The following ZC3H12B variants were observed in gnomAD, a reference collection of about 807,000 sequenced individuals.
ZC3H12B encodes the protein probable ribonuclease ZC3H12B.
ZC3H12B carries 7 observed loss-of-function variants against 43.9 expected under a neutral mutation model. The observed-to-expected ratio is 0.16, with a 90% CI of 0.09 to 0.30. ZC3H12B has a LOEUF of 0.30. Among genes scored for constraint, ZC3H12B ranks in the 10% least tolerant of loss-of-function variants. The pLI is 1.00. For missense variants in ZC3H12B, 475 were observed against 670.2 expected (o/e 0.71, Z 3.22); for synonymous variants, 222 against 241.7 (o/e 0.92, Z 0.76).
chrX:65,325,773 A>G, the ZC3H12B span, among the ~76,000 whole-genome samples: 2 of 111,589 alleles, frequency 1.8e-5, no homozygotes, highest in Non-Finnish European at 3.8e-5. Context: ...TATGAGCAAA[A>G]GAATCGAACT....
At chrX:65,094,712 A>G in the ZC3H12B span, among the ~76,000 whole-genome samples, 1 of 112,479 alleles carries the variant, frequency 8.9e-6, no homozygotes, top group South Asian at 3.6e-4. Flanking sequence ...TCCATTAAAA[A>G]TGTCCTTGAT....
the ZC3H12B span, among the ~76,000 whole-genome samples, chrX:65,153,203 C>G: frequency 4.5e-5 from 5 of 111,956 alleles, no homozygotes; most frequent in African/African-American, 1.3e-4. Flanking sequence ...ACACCAAAAG[C>G]AATGGCAACA....
At chrX:65,375,111 G>A (rs761181269) in intron 2 of ZC3H12B, among the ~76,000 whole-genome samples, 4 of 111,720 alleles carry the variant, frequency 3.6e-5, no homozygotes, top group Non-Finnish European at 7.5e-5. Context: ...AATAATCTGT[G>A]TTCTTGGGAA....
rs773832049 is a variant in ZC3H12B, at chrX:65,408,525, C to T, written n.407+9821C>T. 583 of 1,204,711 alleles carry T rather than the reference C, an allele frequency of 4.8e-4. 3 individuals carry two copies. The African/African-American group carries it at 8.3e-3, about 17-fold the overall frequency. ...CCAGTTCCCCTTACGCCTCACCCTT[C>T]GGGACTTCAGCCTCCTGGAATCCCG... is the stretch of plus-strand genomic sequence containing the variant. On this transcript the variant is annotated intron_variant and non_coding_transcript_variant, in intron 3 of 5. Coordinates refer to the ZC3H12B transcript ENST00000617377.
At chrX:65,361,427 A>G in the ZC3H12B span, among the ~76,000 whole-genome samples, 5 of 112,165 alleles carry the variant, frequency 4.5e-5, no homozygotes, top group Admixed American at 9.5e-5. Flanking sequence ...TTACTCTTAC[A>G]TGGCCAAACT....
the ZC3H12B span, among the ~76,000 whole-genome samples, chrX:65,325,701 T>C: frequency 9.0e-6 from 1 of 111,602 alleles, no homozygotes; most frequent in Non-Finnish European, 1.9e-5. Flanking sequence ...TTCAGCACTA[T>C]TCCAATGTCA....
chrX:65,105,763 T>A, the ZC3H12B span, among the ~76,000 whole-genome samples: 2 of 110,864 alleles, frequency 1.8e-5, no homozygotes, highest in African/African-American at 6.6e-5. Flanking sequence ...TGAGCAGCAT[T>A]TTTTGGGAAA....
the ZC3H12B span, among the ~76,000 whole-genome samples, chrX:65,328,702 C>T: frequency 1.6e-5 from 1 of 63,673 alleles, no homozygotes; most frequent in African/African-American, 6.0e-5. Flanking sequence ...TCCCCCCTCC[C>T]CCCACCCCAC....
At chrX:65,441,665 T>C (rs1377954220) in intron 3 of ZC3H12B, among the ~76,000 whole-genome samples, 1 of 112,069 alleles carries the variant, frequency 8.9e-6, no homozygotes, top group Non-Finnish European at 1.9e-5. Context: ...TGTATGCCTT[T>C]TAAACTTGAA....
At chrX:65,452,167 G>C (rs1053943633) in intron 3 of ZC3H12B, among the ~76,000 whole-genome samples, 1 of 111,127 alleles carries the variant, frequency 9.0e-6, no homozygotes, top group African/African-American at 3.3e-5. Flanking sequence ...ATATAGTACT[G>C]GAAGTCCTAG....
the ZC3H12B span, among the ~76,000 whole-genome samples, chrX:65,342,153 T>A: frequency 9.0e-6 from 1 of 110,898 alleles, no homozygotes; most frequent in African/African-American, 3.3e-5. Context: ...CCAACAAAGA[T>A]CAAAAAATGA....
At chrX:65,120,141 A>C in the ZC3H12B span, among the ~76,000 whole-genome samples, 2 of 111,395 alleles carry the variant, frequency 1.8e-5, no homozygotes, top group Non-Finnish European at 3.8e-5. Context: ...CTCTTTTTTG[A>C]TTCCATGTGA....
intron 2 of ZC3H12B, among the ~76,000 whole-genome samples, chrX:65,387,625 A>G (rs1232338053): frequency 8.9e-6 from 1 of 111,872 alleles, no homozygotes; most frequent in Non-Finnish European, 1.9e-5. Context: ...TATTTGGAGC[A>G]TTTAGTCCAT....
the ZC3H12B span, among the ~76,000 whole-genome samples, chrX:65,336,155 C>G: frequency 8.9e-6 from 1 of 112,364 alleles, no homozygotes; most frequent in Non-Finnish European, 1.9e-5. Flanking sequence ...AATCCTTTTT[C>G]TTATTAATTA....
At chrX:65,217,837 A>T in the ZC3H12B span, among the ~76,000 whole-genome samples, 13 of 111,694 alleles carry the variant, frequency 1.2e-4, no homozygotes, top group Admixed American at 1.1e-3. Context: ...ATTAAGAGCT[A>T]TTGGCCTTAA....
At chrX:65,141,652 G>A in the ZC3H12B span, among the ~76,000 whole-genome samples, 1 of 110,266 alleles carries the variant, frequency 9.1e-6, no homozygotes, top group Non-Finnish European at 1.9e-5. Flanking sequence ...CCTATTTGTA[G>A]CCTTTTTCCC....
At chrX:65,130,776 G>A in the ZC3H12B span, among the ~76,000 whole-genome samples, 10 of 111,757 alleles carry the variant, frequency 8.9e-5, no homozygotes, top group African/African-American at 2.9e-4. Flanking sequence ...TTGATAGGTG[G>A]AAGTTTCAGT....
intron 3 of ZC3H12B, among the ~76,000 whole-genome samples, chrX:65,481,985 C>A (rs1415269792): frequency 1.8e-5 from 2 of 111,319 alleles, no homozygotes; most frequent in Non-Finnish European, 3.8e-5. Flanking sequence ...TGCAGCTACC[C>A]CTCAGAATTG....
intron 2 of ZC3H12B, among the ~76,000 whole-genome samples, chrX:65,388,001 G>T (rs1411392356): frequency 8.9e-6 from 1 of 112,110 alleles, no homozygotes. Context: ...AGTTTCTGCC[G>T]AGATATCTGC....
Sources: allele counts gnomAD v4.1 joint callset (sites outside exome capture counted in the v4.1 genomes callset), GRCh38; gene constraint gnomAD v4.1.1; transcripts MANE v1.5; gene names NCBI Gene and HGNC (gene_info 2026-07-23, HGNC 2026-07-21).